Variants in LOC400499 observed in about 807,000 individuals in gnomAD.
At chr16:11,424,884 C>T in the LOC400499 span, among the ~76,000 whole-genome samples, 27 of 152,222 alleles carry the variant, frequency 1.8e-4, no homozygotes, top group East Asian at 2.7e-3. Flanking sequence ...CTGATGGCAG[C>T]GGCTGTCACC....
At chr16:11,383,677 C>T in the LOC400499 span, 93 of 1,232,302 alleles carry the variant, frequency 7.5e-5, 1 homozygote, top group African/African-American at 5.7e-4. Context: ...TACGAATCCA[C>T]GGGCACACAG....
chr16:11,406,859 C>T, the LOC400499 span, among the ~76,000 whole-genome samples: 4 of 152,216 alleles, frequency 2.6e-5, no homozygotes, highest in East Asian at 3.8e-4. Flanking sequence ...CACTTCAGTA[C>T]GTTTTCTCCG....
the LOC400499 span, among the ~76,000 whole-genome samples, chr16:11,419,852 A>C: frequency 7.2e-5 from 11 of 151,966 alleles, no homozygotes; most frequent in African/African-American, 2.4e-4. Context: ...AATGCTCATC[A>C]TCACTGGCCA....
chr16:11,521,287 G>A, the LOC400499 span, among the ~76,000 whole-genome samples: 1 of 152,192 alleles, frequency 6.6e-6, no homozygotes, highest in Non-Finnish European at 1.5e-5. Flanking sequence ...CTTTTATGTG[G>A]GTTGAGAGGG....
chr16:11,411,480 C>T, the LOC400499 span, among the ~76,000 whole-genome samples: 2 of 152,188 alleles, frequency 1.3e-5, no homozygotes, highest in African/African-American at 4.8e-5. Flanking sequence ...TCACACACCC[C>T]GAGGCCCAAG....
the LOC400499 span, among the ~76,000 whole-genome samples, chr16:11,405,516 T>C: frequency 1.3e-5 from 2 of 152,084 alleles, no homozygotes; most frequent in African/African-American, 4.8e-5. Flanking sequence ...GGGAAGAGCA[T>C]TCTAGGCAGA....
the LOC400499 span, chr16:11,423,060 G>A: frequency 5.0e-6 from 2 of 398,516 alleles, no homozygotes; most frequent in East Asian, 7.1e-5. Context: ...AGTATCTCCT[G>A]GCAGCGAACT....
At chr16:11,391,877 G>A in the LOC400499 span, 7 of 1,196,356 alleles carry the variant, frequency 5.9e-6, no homozygotes, top group East Asian at 6.3e-5. Flanking sequence ...CAGGGAAACC[G>A]AGGCAGAATC....
chr16:11,386,605 T>C, the LOC400499 span, among the ~76,000 whole-genome samples: 1 of 151,994 alleles, frequency 6.6e-6, no homozygotes, highest in Admixed American at 6.5e-5. Context: ...CCATTACCCA[T>C]ATGAGCGAGC....
At chr16:11,438,278 G>T in the LOC400499 span, among the ~76,000 whole-genome samples, 1 of 152,120 alleles carries the variant, frequency 6.6e-6, no homozygotes, top group South Asian at 2.1e-4. Context: ...CAGATCTCTG[G>T]GAACTCCACA....
chr16:11,504,319 G>T, the LOC400499 span, among the ~76,000 whole-genome samples: 1 of 152,316 alleles, frequency 6.6e-6, no homozygotes, highest in East Asian at 1.9e-4. Context: ...ACTTTGGGAG[G>T]CCGAGCCGGG....
At chr16:11,398,368 C>G in the LOC400499 span, 84 of 1,232,144 alleles carry the variant, frequency 6.8e-5, no homozygotes, top group Non-Finnish European at 7.9e-5. Flanking sequence ...TCACAGAGCC[C>G]CAGGTGGAGG....
the LOC400499 span, among the ~76,000 whole-genome samples, chr16:11,421,901 G>A: frequency 6.6e-6 from 1 of 152,162 alleles, no homozygotes; most frequent in Non-Finnish European, 1.5e-5. Context: ...TCCCCGAGTT[G>A]TATACTTTAA....
chr16:11,387,549 C>T, the LOC400499 span, among the ~76,000 whole-genome samples: 197 of 152,132 alleles, frequency 1.3e-3, 3 homozygotes, highest in Non-Finnish European at 1.7e-3. Flanking sequence ...CACAGATGTC[C>T]GATGTCATGC....
At chr16:11,500,201 ATCC>A in the LOC400499 span, among the ~76,000 whole-genome samples, 1 of 152,140 alleles carries the variant, frequency 6.6e-6, no homozygotes, top group African/African-American at 2.4e-5. Context: ...TACCACTGCC[ATCC>A]TCCTTATAGA....
the LOC400499 span, chr16:11,460,832 C>G: frequency 7.7e-7 from 1 of 1,290,468 alleles, no homozygotes; most frequent in Non-Finnish European, 1.0e-6. Flanking sequence ...CAGTCCTACT[C>G]AGAGCCAACA....
the LOC400499 span, among the ~76,000 whole-genome samples, chr16:11,448,648 G>C: frequency 2.0e-5 from 3 of 152,138 alleles, no homozygotes; most frequent in Admixed American, 2.0e-4. Flanking sequence ...GATCCTTCAA[G>C]CCCAGACATT....
chr16:11,381,778 C>G, the LOC400499 span, among the ~76,000 whole-genome samples: 1 of 152,270 alleles, frequency 6.6e-6, no homozygotes, highest in African/African-American at 2.4e-5. Flanking sequence ...GGTGGGAGAT[C>G]AGTTATCAAC....
chr16:11,495,378 C>T, the LOC400499 span, among the ~76,000 whole-genome samples: 2 of 147,926 alleles, frequency 1.4e-5, no homozygotes, highest in African/African-American at 5.1e-5. Context: ...ATCAGACCAA[C>T]AAATCTTTTT....
Sources: gnomAD v4.1 joint callset for allele counts (sites outside exome capture counted in the v4.1 genomes callset) on GRCh38, gnomAD v4.1.1 for gene constraint, MANE v1.5 for transcripts.